Variants in CEP97 observed in about 807,000 individuals in gnomAD.
The protein encoded by CEP97 is centrosomal protein of 97 kDa.
In CEP97, 43 loss-of-function variants were observed where a neutral mutation model predicts 73.1. That is an observed-to-expected ratio of 0.59 (90% confidence interval 0.46 to 0.76). The LOEUF is 0.76. Ranked by LOEUF, CEP97 falls within the 30% of genes least tolerant of loss-of-function variation. CEP97 has a pLI of 0.00. For missense variants in CEP97, 939 were observed against 1,014.0 expected (o/e 0.93, Z 1.00); for synonymous variants, 337 against 370.0 (o/e 0.91, Z 1.02).
intron 6 of CEP97, among the ~76,000 whole-genome samples, chr3:101,742,506 G>T (rs1468766997): frequency 1.3e-5 from 2 of 151,098 alleles, no homozygotes; most frequent in African/African-American, 4.9e-5. Context: ...CCAAACACCT[G>T]CATGTTCTCA....
At chr3:101,730,102 G>A (rs950725383) in intron 4 of CEP97, among the ~76,000 whole-genome samples, 4 of 152,000 alleles carry the variant, frequency 2.6e-5, no homozygotes, top group Non-Finnish European at 5.9e-5. Flanking sequence ...CACTGCACCT[G>A]GCCAGAGATG....
At chr3:101,764,805 C>T in intron 10 of CEP97, 42 bp from the exon 11 acceptor site, 1 of 1,515,694 alleles carries the variant, frequency 6.6e-7, no homozygotes, top group Non-Finnish European at 8.9e-7. Flanking sequence ...ACAAAAACAA[C>T]ACTTTTTATT....
chr3:101,767,113 A>G lies in CEP97; in HGVS notation c.*1562A>G, dbSNP rs546037775. On this transcript the variant is annotated 3_prime_UTR_variant, in exon 11 of 11. Coordinates refer to ENST00000341893, the MANE Select transcript of CEP97 (RefSeq NM_024548.4). Reference sequence around the variant, plus strand: ...GCTCATGGTATTTGTTGATAGTCATAACATTTTTCCTGTATGGTAAGACGT... The same window carrying G: ...GCTCATGGTATTTGTTGATAGTCATGACATTTTTCCTGTATGGTAAGACGT... 14 of 152,326 alleles carry G rather than the reference A, an allele frequency of 9.2e-5. No homozygotes were observed. The highest frequency in any genetic ancestry group is 1.6e-4 in the Non-Finnish European group (11 of 68,040). The allele number at this position is 152,326 out of a possible 1,614,324, so 9.4% of individuals were successfully genotyped here.
At chr3:101,738,831 A>G (rs1168029546) in intron 6 of CEP97, among the ~76,000 whole-genome samples, 3 of 152,210 alleles carry the variant, frequency 2.0e-5, no homozygotes, top group Non-Finnish European at 1.5e-5. Flanking sequence ...AATAACAAAT[A>G]TCAGAGCAGA....
chr3:101,753,997 G>A lies in CEP97; in HGVS notation c.729-1433G>A, dbSNP rs556260211. On this transcript the variant is annotated intron_variant, in intron 6 of 10. Transcript: ENST00000341893. The stretch of plus-strand genomic sequence containing the variant: ...GCAGAAATCACCCATCTTCTGCATC[G>A]CTCATGCTGGGAGCTGTAGACCGGA... Among the ~76,000 whole-genome samples the A allele has an allele frequency of 1.5e-3, 218 of 150,072 alleles. 1 individual carries two copies. Among genetic ancestry groups the A allele is most frequent in the African/African-American group, 5.1e-3 (208 of 40,760 alleles).
At position 101,767,334 on chromosome 3, in the gene CEP97, C is replaced by A. The variant is rs935064690; in HGVS notation, c.*1783C>A. The A allele has an allele frequency of 2.0e-5, 3 of 152,104 alleles. No homozygotes were observed. Among genetic ancestry groups the A allele is most frequent in the Non-Finnish European group, 4.4e-5 (3 of 67,998 alleles). 9.4% of individuals were successfully genotyped at this position (152,104 alleles called of 1,614,324 possible). A position where few individuals can be genotyped will look rare whatever the true frequency, so the allele number is the denominator to read the frequency against. On this transcript the variant is annotated 3_prime_UTR_variant, in exon 11 of 11. Transcript: ENST00000341893. ...TGTTAAATAAAAATGGAATTTCTAACTTTTTTTCAATAGTGCTAATTATCT... is the reference window on the plus strand; with the variant it reads ...TGTTAAATAAAAATGGAATTTCTAAATTTTTTTCAATAGTGCTAATTATCT...
At chr3:101,764,695 A>T in intron 10 of CEP97, 152 bp from the exon 11 acceptor site, 1 of 577,742 alleles carries the variant, frequency 1.7e-6, no homozygotes, top group African/African-American at 1.9e-5. Flanking sequence ...GGGTGGGAGG[A>T]TCACTTGAGC....
chr3:101,758,550 G>C, intron 9 of CEP97, 127 bp downstream of exon 9: 2 of 1,166,226 alleles, frequency 1.7e-6, no homozygotes, highest in Non-Finnish European at 2.4e-6. Context: ...CTGTTGCTTT[G>C]GTTGTCTCCT....
chr3:101,733,930 G>A (rs972256117), intron 6 of CEP97, among the ~76,000 whole-genome samples: 12 of 151,658 alleles, frequency 7.9e-5, no homozygotes, highest in African/African-American at 2.4e-4. Flanking sequence ...GGGTTCAAGC[G>A]ATTCTTCTGC....
chr3:101,764,804 A>G, intron 10 of CEP97, 43 bp from the exon 11 acceptor site: 3 of 1,516,986 alleles, frequency 2.0e-6, no homozygotes, highest in Non-Finnish European at 2.7e-6. Context: ...AACAAAAACA[A>G]CACTTTTTAT....
chr3:101,746,905 G>A (rs1938635401), intron 6 of CEP97, among the ~76,000 whole-genome samples: 1 of 148,474 alleles, frequency 6.7e-6, no homozygotes, highest in South Asian at 2.2e-4. Context: ...AGACATTTAT[G>A]CAGCCAAAAA....
Position 101,731,935 on chromosome 3 carries a change from A to C in CEP97, c.543A>C (p.Glu181Asp). The change falls in exon 5 of 11, where the codon GAA becomes GAC. Residue 181 changes from glutamate to aspartate, a missense_variant. By Grantham distance (45) the Glu-to-Asp change is conservative (BLOSUM62 2). Coordinates refer to ENST00000341893, the MANE Select transcript of CEP97 (RefSeq NM_024548.4). Reference protein sequence around the residue: ...SLAILSLAENEIRDLNEISFL... With the variant: ...SLAILSLAENDIRDLNEISFL... ...CTATACTTTCTTTGGCAGAAAATGA[A>C]ATCCGAGACTTAAATGAGGTAAAAT... 6.3e-7 allele frequency: 1 copy of C among 1,597,568 alleles called. No homozygotes were observed. The highest frequency in any genetic ancestry group is 2.2e-5 in the East Asian group (1 of 44,750).
At chr3:101,725,282 G>A (rs1409227828) in intron 1 of CEP97, among the ~76,000 whole-genome samples, 1 of 152,158 alleles carries the variant, frequency 6.6e-6, no homozygotes, top group African/African-American at 2.4e-5. Flanking sequence ...TTTGGTCGCT[G>A]CCCAGTAGAG....
chr3:101,742,315 G>A (rs533612651), intron 6 of CEP97, among the ~76,000 whole-genome samples: 1 of 152,130 alleles, frequency 6.6e-6, no homozygotes, highest in Non-Finnish European at 1.5e-5. Flanking sequence ...TTTCACAATA[G>A]CAAAGACTTG....
rs948515310 is a variant in CEP97, at chr3:101,725,630, C to T, written c.43+911C>T. ...CTCACGACTCCTCACATGCTAAGAG[C>T]CATTAGACAACGGGAAAACGTTGAA... is the stretch of plus-strand genomic sequence containing the variant. On this transcript the variant is annotated intron_variant, in intron 1 of 10. Coordinates refer to ENST00000341893, the MANE Select transcript of CEP97 (RefSeq NM_024548.4). Among the ~76,000 whole-genome samples, 5 of 152,302 alleles carry T rather than the reference C, an allele frequency of 3.3e-5. No individual in the cohort carries two copies. The East Asian group carries it at 9.6e-4, about 29-fold the overall frequency.
rs1280019579 is a variant in CEP97 at position 101,768,047 on chromosome 3, A to G, written c.*2496A>G. On this transcript the variant is annotated 3_prime_UTR_variant, in exon 11 of 11. Transcript: ENST00000341893. ...AACATGGTCTTTGTGTTTTTTTCCT[A>G]ACAAGGAAAGGTTTAGTTCAGCTGT... is the stretch of plus-strand genomic sequence containing the variant. 6.6e-6 allele frequency: 1 copy of G among 152,178 alleles called. No individual in the cohort carries two copies. Among genetic ancestry groups the G allele is most frequent in the African/African-American group, 2.4e-5 (1 of 41,442 alleles). 9.4% of individuals were successfully genotyped at this position (152,178 alleles called of 1,614,324 possible).
At chr3:101,729,215 C>T (rs557731077) in intron 4 of CEP97, among the ~76,000 whole-genome samples, 3 of 151,876 alleles carry the variant, frequency 2.0e-5, no homozygotes, top group African/African-American at 7.2e-5. Flanking sequence ...CATAGTGGTG[C>T]GAGCCTGTAG....
Position 101,762,569 on chromosome 3 carries a change from C to A in CEP97, c.1893+9C>A. The A allele has an allele frequency of 6.3e-7, 1 of 1,595,336 alleles. No homozygotes were observed. On this transcript the variant is annotated intron_variant, in intron 10 of 10. Coordinates refer to ENST00000341893, the MANE Select transcript of CEP97 (RefSeq NM_024548.4). Reference sequence around the variant, plus strand: ...GATTCCTTTGGAACCAGGTAAACTCCCTCCTGCTGATTTACCTCATATATG... The same window carrying A: ...GATTCCTTTGGAACCAGGTAAACTCACTCCTGCTGATTTACCTCATATATG...
intron 6 of CEP97, among the ~76,000 whole-genome samples, chr3:101,752,792 C>T (rs376814578): frequency 2.6e-5 from 4 of 151,790 alleles, no homozygotes; most frequent in Non-Finnish European, 4.4e-5. Flanking sequence ...GTTATACATT[C>T]GTCTAAATTT....
Sources: gnomAD v4.1 joint callset for allele counts (sites outside exome capture counted in the v4.1 genomes callset) on GRCh38, gnomAD v4.1.1 for gene constraint, MANE v1.5 for transcripts, NCBI Gene and HGNC (gene_info 2026-07-23, HGNC 2026-07-21) for gene names.